Variants in ANKS1B observed in about 807,000 individuals in gnomAD.
ANKS1B encodes ankyrin repeat and sterile alpha motif domain-containing protein 1B.
Under a neutral mutation model 148.3 loss-of-function variants are expected in ANKS1B, and 36 were observed. The ratio of observed to expected loss-of-function variants is 0.24; its 90% CI spans 0.19 to 0.32. The LOEUF is 0.32. Ranked by LOEUF, ANKS1B falls within the 10% of genes least tolerant of loss-of-function variation. ANKS1B has a pLI of 1.00. For synonymous variants in ANKS1B, 542 were observed against 560.8 expected, an observed-to-expected ratio of 0.97 and a Z score of 0.47; for missense variants, 1,157 against 1,542.6, an observed-to-expected ratio of 0.75 and a Z score of 4.19.
chr12:99,436,899 C>G (rs2095470435), intron 11 of ANKS1B, among the ~76,000 whole-genome samples: 1 of 152,032 alleles, frequency 6.6e-6, no homozygotes, highest in Middle Eastern at 3.4e-3. Context: ...ACCTCTACAG[C>G]CTCTTTGCTT....
At chr12:98,757,746 C>A (rs1304254069) in intron 25 of ANKS1B, among the ~76,000 whole-genome samples, 1 of 152,234 alleles carries the variant, frequency 6.6e-6, no homozygotes, top group South Asian at 2.1e-4. Flanking sequence ...TCACGTCTCT[C>A]GAATGCTGTA....
intron 19 of ANKS1B, among the ~76,000 whole-genome samples, chr12:98,828,914 G>A (rs2099272514): frequency 1.3e-5 from 2 of 152,058 alleles, no homozygotes; most frequent in African/African-American, 4.8e-5. Flanking sequence ...TCCCTTCAGG[G>A]CAAAGACTTT....
At chr12:99,099,672 T>C (rs2057391608) in intron 15 of ANKS1B, 1 of 152,256 alleles carries the variant, frequency 6.6e-6, no homozygotes, top group East Asian at 1.9e-4. Flanking sequence ...CTGGGGAATT[T>C]GGTATTCCTT....
intron 8 of ANKS1B, among the ~76,000 whole-genome samples, chr12:99,676,650 T>C (rs1212032122): frequency 6.6e-6 from 1 of 152,248 alleles, no homozygotes; most frequent in Non-Finnish European, 1.5e-5. Context: ...ATTTGAAATA[T>C]TCCATTAAGT....
intron 12 of ANKS1B, among the ~76,000 whole-genome samples, chr12:99,276,642 A>C (rs2077711258): frequency 6.6e-6 from 1 of 152,212 alleles, no homozygotes; most frequent in South Asian, 2.1e-4. Context: ...TCTACTGTTT[A>C]AGCCACCCAG....
chr12:98,916,295 G>C (rs1319208144), intron 17 of ANKS1B, among the ~76,000 whole-genome samples: 1 of 152,214 alleles, frequency 6.6e-6, no homozygotes, highest in African/African-American at 2.4e-5. Flanking sequence ...AAATACCTCA[G>C]TGGGCTGATC....
At chr12:99,332,926 T>C (rs1310780955) in intron 12 of ANKS1B, among the ~76,000 whole-genome samples, 1 of 151,776 alleles carries the variant, frequency 6.6e-6, no homozygotes, top group Non-Finnish European at 1.5e-5. Context: ...CTGGAGAGCT[T>C]GACAGGGGCC....
Position 99,063,414 on chromosome 12 carries a change from T to C in ANKS1B, c.2626-10105A>G, listed in dbSNP as rs552639460. 1.1e-4 allele frequency among the ~76,000 whole-genome samples: 17 copies of C among 152,300 alleles called. No individual in the cohort carries two copies. In the South Asian group the frequency reaches 1.4e-3, roughly 13 times the overall value. Reference sequence around the variant, plus strand: ...GTCCAAATGCAGGTCTATCAAGTAGTGTGAGGATCAAATCTACAGGCTGTG... The same window carrying C: ...GTCCAAATGCAGGTCTATCAAGTAGCGTGAGGATCAAATCTACAGGCTGTG... On this transcript the variant is annotated intron_variant, in intron 16 of 26. Transcript: ENST00000683438.
chr12:99,933,664 A>G (rs909440083), intron 1 of ANKS1B, among the ~76,000 whole-genome samples: 7 of 152,158 alleles, frequency 4.6e-5, no homozygotes, highest in Non-Finnish European at 7.4e-5. Flanking sequence ...TTTTCTAAAT[A>G]TAAGACTATA....
intron 12 of ANKS1B, among the ~76,000 whole-genome samples, chr12:99,394,562 T>G (rs1260845900): frequency 6.6e-6 from 1 of 151,916 alleles, no homozygotes; most frequent in Non-Finnish European, 1.5e-5. Flanking sequence ...CATGAACCTA[T>G]TCTAACTTAG....
At chr12:99,504,724 G>T in intron 9 of ANKS1B, 83 bp from the exon 10 acceptor site, 1 of 1,031,614 alleles carries the variant, frequency 9.7e-7, no homozygotes, top group South Asian at 1.9e-5. Flanking sequence ...AGATAATCAG[G>T]TTCATTAGTT....
chr12:98,986,474 G>A (rs1391007344), intron 17 of ANKS1B, among the ~76,000 whole-genome samples: 1 of 152,006 alleles, frequency 6.6e-6, no homozygotes. Flanking sequence ...TGTTCAAGCT[G>A]ATAATGAGCC....
At chr12:99,912,096 G>T (rs578134744) in intron 1 of ANKS1B, among the ~76,000 whole-genome samples, 1 of 152,318 alleles carries the variant, frequency 6.6e-6, no homozygotes, top group South Asian at 2.1e-4. Context: ...CACCAAAGGC[G>T]TGCAAGGGAA....
chr12:99,311,747 T>G (rs1455537646), intron 12 of ANKS1B, among the ~76,000 whole-genome samples: 1 of 152,096 alleles, frequency 6.6e-6, no homozygotes, highest in Non-Finnish European at 1.5e-5. Flanking sequence ...TGAAAGTACA[T>G]TCAATGTACT....
chr12:99,552,836 T>C (rs752155569), intron 9 of ANKS1B, among the ~76,000 whole-genome samples: 1 of 152,212 alleles, frequency 6.6e-6, no homozygotes, highest in Non-Finnish European at 1.5e-5. Context: ...CTAGATTATC[T>C]ATAATAACTA....
chr12:98,952,065 C>G (rs973209086), intron 17 of ANKS1B, among the ~76,000 whole-genome samples: 1 of 152,164 alleles, frequency 6.6e-6, no homozygotes, highest in African/African-American at 2.4e-5. Context: ...TCCTGGTAAT[C>G]TAAGTTGGGC....
chr12:98,747,323 A>C (rs889236913), intron 26 of ANKS1B, among the ~76,000 whole-genome samples: 1 of 152,246 alleles, frequency 6.6e-6, no homozygotes, highest in Non-Finnish European at 1.5e-5. Context: ...GACGACATAC[A>C]AACGGCCAAC....
At chr12:98,894,904 GC>G (rs1349003646) in intron 17 of ANKS1B, 49 of 893,596 alleles carry the variant, frequency 5.5e-5, no homozygotes, top group East Asian at 1.3e-4. Context: ...CACTGCCCCC[GC>G]CCCCCGCGCG....
chr12:99,775,165 A>G (rs2063540763), intron 7 of ANKS1B, among the ~76,000 whole-genome samples: 1 of 152,182 alleles, frequency 6.6e-6, no homozygotes, highest in South Asian at 2.1e-4. Context: ...CAAAATAAAA[A>G]ATAAAAAATA....
Sources: allele counts gnomAD v4.1 joint callset (sites outside exome capture counted in the v4.1 genomes callset), GRCh38; gene constraint gnomAD v4.1.1; transcripts MANE v1.5; gene names NCBI Gene and HGNC (gene_info 2026-07-23, HGNC 2026-07-21).